APP: variants seen among roughly 807,000 people sequenced by gnomAD.
The protein encoded by APP is amyloid beta precursor protein, also known as amyloid-beta precursor protein.
Under a neutral mutation model 101.4 loss-of-function variants are expected in APP, and 31 were observed. That is an observed-to-expected ratio of 0.31 (90% confidence interval 0.23 to 0.41). The LOEUF (loss-of-function observed/expected upper bound fraction) is 0.41, where lower values mean the gene tolerates loss of function less well. APP is among the 10% of genes least tolerant of loss of function. The probability of loss-of-function intolerance (pLI) is 1.00; values close to 1 mark genes in which losing one functional copy is unlikely to be tolerated. For synonymous variants in APP, 366 were observed against 364.4 expected (o/e 1.00, Z -0.05); for missense variants, 839 against 1,003.7 (o/e 0.84, Z 2.22).
intron 5 of APP, among the ~76,000 whole-genome samples, chr21:26,031,256 G>A (rs928502823): frequency 6.6e-6 from 1 of 152,196 alleles, no homozygotes. Flanking sequence ...TGGCTACAAA[G>A]CAACCTAGGA....
chr21:25,984,562 C>T (rs940414864), intron 8 of APP, among the ~76,000 whole-genome samples: 1 of 152,128 alleles, frequency 6.6e-6, no homozygotes, highest in African/African-American at 2.4e-5. Flanking sequence ...GTATTTTTAA[C>T]TTAATCATTA....
chr21:25,898,755 C>T lies in APP; in HGVS notation c.1964-1082G>A, dbSNP rs371402450. Among the ~76,000 whole-genome samples the T allele has an allele frequency of 5.3e-5, 8 of 152,290 alleles. No individual in the cohort carries two copies. In the South Asian group the frequency reaches 1.7e-3, roughly 32 times the overall value. ...ACATTAAAACCTTGAACAGGTATCA[C>T]GACCCTAAGGAGAGGCATGTTCCTG... On this transcript the variant is annotated intron_variant, in intron 15 of 17. Coordinates refer to ENST00000346798, the MANE Select transcript of APP (RefSeq NM_000484.4).
At chr21:26,111,087 TAAAAA>T (rs576900084) in intron 2 of APP, among the ~76,000 whole-genome samples, 12,066 of 88,378 alleles carry the variant, frequency 0.14, 654 homozygotes, top group Admixed American at 0.22. Context: ...AAAGTTAAGT[TAAAAA>T]AAAAAAAAAA....
intron 3 of APP, among the ~76,000 whole-genome samples, chr21:26,065,942 A>T (rs1021934446): frequency 6.6e-6 from 1 of 152,162 alleles, no homozygotes; most frequent in Non-Finnish European, 1.5e-5. Flanking sequence ...ATCACCTGGG[A>T]TCCTGATCAG....
intron 2 of APP, among the ~76,000 whole-genome samples, chr21:26,093,324 G>T (rs1245350601): frequency 6.6e-6 from 1 of 152,190 alleles, no homozygotes; most frequent in Non-Finnish European, 1.5e-5. Context: ...GCAGTAAAGT[G>T]TGAGTTACTG....
chr21:26,090,876 A>T (rs2146115503), intron 2 of APP, among the ~76,000 whole-genome samples: 1 of 152,338 alleles, frequency 6.6e-6, no homozygotes, highest in South Asian at 2.1e-4. Flanking sequence ...TTTAGATAAA[A>T]ATAAACTCAT....
At chr21:25,893,337 A>G (rs2037820428) in intron 16 of APP, among the ~76,000 whole-genome samples, 1 of 152,218 alleles carries the variant, frequency 6.6e-6, no homozygotes, top group Non-Finnish European at 1.5e-5. Flanking sequence ...TTCAAGTGAA[A>G]GGAAGAGTCA....
At chr21:25,892,173 C>T (rs761200258) in intron 16 of APP, among the ~76,000 whole-genome samples, 3 of 151,588 alleles carry the variant, frequency 2.0e-5, no homozygotes, top group South Asian at 4.1e-4. Flanking sequence ...AGGTCAAAAC[C>T]GAAGTCTGCA....
At chr21:26,127,455 C>A (rs2062707906) in intron 1 of APP, among the ~76,000 whole-genome samples, 1 of 152,172 alleles carries the variant, frequency 6.6e-6, no homozygotes, top group Admixed American at 6.5e-5. Flanking sequence ...TTACATAAAT[C>A]AAAAGCCCTA....
chr21:25,976,597 T>C (rs1350277194), intron 9 of APP, among the ~76,000 whole-genome samples: 1 of 152,210 alleles, frequency 6.6e-6, no homozygotes, highest in East Asian at 1.9e-4. Context: ...TTAAGGCCCT[T>C]TGAGCTTGCC....
chr21:26,163,706 C>A (rs1205521969), intron 1 of APP, among the ~76,000 whole-genome samples: 1 of 152,148 alleles, frequency 6.6e-6, no homozygotes, highest in Non-Finnish European at 1.5e-5. Context: ...TTAACAAAAA[C>A]CCATGTGAAT....
At chr21:25,899,795 C>T (rs141582915) in intron 15 of APP, among the ~76,000 whole-genome samples, 2 of 152,308 alleles carry the variant, frequency 1.3e-5, no homozygotes, top group East Asian at 1.9e-4. Context: ...TTATTTGCTA[C>T]GTAGCAATAG....
At chr21:26,122,087 A>C (rs976574616) in intron 1 of APP, among the ~76,000 whole-genome samples, 1 of 152,240 alleles carries the variant, frequency 6.6e-6, no homozygotes, top group Non-Finnish European at 1.5e-5. Context: ...GGGGAAAAAG[A>C]AGCATATTCC....
In APP at chr21:26,112,001, C is replaced by G. The variant is rs1307925400; in HGVS notation, c.203G>C (p.Gly68Ala). The change falls in exon 2 of 18, where the codon GGC becomes GCC. Residue 68 changes from glycine to alanine, a missense_variant. Gly to Ala is a moderately conservative substitution (Grantham distance 60). Coordinates refer to ENST00000346798, the MANE Select transcript of APP (RefSeq NM_000484.4). ...TACTTCTTGGCAATACTGCAGGATGCCTTCCTTGGTATCAATGCAGGTTTT... is the reference window on the plus strand; with the variant it reads ...TACTTCTTGGCAATACTGCAGGATGGCTTCCTTGGTATCAATGCAGGTTTT... ...GTKTCIDTKE[G>A]ILQYCQEVYP... The G allele has an allele frequency of 4.3e-6, 7 of 1,613,968 alleles. No individual in the cohort carries two copies. In the East Asian group the frequency reaches 8.9e-5, roughly 21 times the overall value.
chr21:26,080,923 G>A (rs1490181366), intron 3 of APP, among the ~76,000 whole-genome samples: 2 of 152,052 alleles, frequency 1.3e-5, no homozygotes, highest in Non-Finnish European at 2.9e-5. Context: ...TTTTAGGCCT[G>A]CAGCGGACAG....
intron 3 of APP, among the ~76,000 whole-genome samples, chr21:26,057,492 C>T (rs1358319935): frequency 6.6e-6 from 1 of 152,044 alleles, no homozygotes; most frequent in African/African-American, 2.4e-5. Flanking sequence ...CACACACACA[C>T]ACACACACCC....
intron 11 of APP, among the ~76,000 whole-genome samples, chr21:25,973,548 C>G (rs1176832225): frequency 6.6e-6 from 1 of 152,142 alleles, no homozygotes; most frequent in Non-Finnish European, 1.5e-5. Context: ...AAAACACAGC[C>G]TCAAACTATA....
intron 6 of APP, among the ~76,000 whole-genome samples, chr21:26,014,897 A>G (rs1210649589): frequency 2.0e-5 from 3 of 152,226 alleles, no homozygotes; most frequent in African/African-American, 7.2e-5. Flanking sequence ...CAGTGTCTCT[A>G]TCTGTTCACT....
chr21:26,155,749 A>G (rs2063361876), intron 1 of APP, among the ~76,000 whole-genome samples: 1 of 152,178 alleles, frequency 6.6e-6, no homozygotes, highest in South Asian at 2.1e-4. Flanking sequence ...TAATCCCAGC[A>G]CTTTGGGAGG....
Sources: gnomAD v4.1 joint callset for allele counts (sites outside exome capture counted in the v4.1 genomes callset) on GRCh38, gnomAD v4.1.1 for gene constraint, MANE v1.5 for transcripts, NCBI Gene and HGNC (gene_info 2026-07-23, HGNC 2026-07-21) for gene names.